The following KRAS variants were observed in gnomAD, a reference collection of about 807,000 sequenced individuals.
The protein encoded by KRAS is KRas proto-oncogene, GTPase, also known as GTPase KRas.
Under a neutral mutation model 21.0 loss-of-function variants are expected in KRAS, and 1 was observed. The observed-to-expected ratio is 0.05, with a 90% CI of 0.02 to 0.23. KRAS has a LOEUF of 0.23. Ranked by LOEUF, KRAS falls within the 10% of genes least tolerant of loss-of-function variation. The pLI, the probability that KRAS is intolerant of heterozygous loss-of-function variation, is 1.00. For missense variants in KRAS, 107 were observed against 221.8 expected, an observed-to-expected ratio of 0.48 and a Z score of 3.29; for synonymous variants, 67 against 72.5, an observed-to-expected ratio of 0.92 and a Z score of 0.39.
intron 4 of KRAS, among the ~76,000 whole-genome samples, chr12:25,222,174 AAAAT>A (rs139753860): frequency 2.8e-3 from 418 of 148,296 alleles, no homozygotes; most frequent in African/African-American, 3.2e-3. Context: ...GAAAGAAAGA[AAAAT>A]AAATAAATAA....
At chr12:25,222,121 C>G (rs1202988074) in intron 4 of KRAS, among the ~76,000 whole-genome samples, 1 of 149,692 alleles carries the variant, frequency 6.7e-6, no homozygotes, top group Non-Finnish European at 1.5e-5. Context: ...TGTACTCCAG[C>G]CTGGGCGACA....
At chr12:25,249,732 A>G (rs61759622) in intron 1 of KRAS, among the ~76,000 whole-genome samples, 1,862 of 152,232 alleles carry the variant, frequency 0.012, 37 homozygotes, top group African/African-American at 0.043. Flanking sequence ...GAGATGTAGA[A>G]CACATCTGCA....
chr12:25,222,161 C>G (rs1248207050), intron 4 of KRAS, among the ~76,000 whole-genome samples: 1 of 133,722 alleles, frequency 7.5e-6, no homozygotes. Context: ...AAAAAAAAAA[C>G]AAGAAAGAAA....
chr12:25,245,259 TAA>T lies in KRAS; in HGVS notation c.111+13_111+14del. ...GGTCCTGCACCAGTAATATGCATAT[TAA>T]AACAAGATTTACCTCTATTGTTGGA... On this transcript the variant is annotated intron_variant, in intron 2 of 4. Coordinates refer to ENST00000311936, the MANE Select transcript of KRAS (RefSeq NM_004985.5). The T allele has an allele frequency of 6.3e-7, 1 of 1,594,628 alleles. No homozygotes were observed. The highest frequency in any genetic ancestry group is 8.6e-7 in the Non-Finnish European group (1 of 1,168,032).
intron 4 of KRAS, among the ~76,000 whole-genome samples, chr12:25,216,251 G>T (rs1320066165): frequency 6.6e-6 from 1 of 152,126 alleles, no homozygotes; most frequent in Non-Finnish European, 1.5e-5. Flanking sequence ...CAAAATAGGA[G>T]CATTTTGTAT....
chr12:25,244,659 A>C (rs61761074), intron 2 of KRAS, among the ~76,000 whole-genome samples: 4,059 of 152,254 alleles, frequency 0.027, 110 homozygotes, highest in Non-Finnish European at 0.038. Context: ...ACATGATAAC[A>C]ATTTAAATTT....
At chr12:25,216,316 G>A (rs1951255380) in intron 4 of KRAS, among the ~76,000 whole-genome samples, 1 of 152,128 alleles carries the variant, frequency 6.6e-6, no homozygotes, top group Non-Finnish European at 1.5e-5. Context: ...GTCTCACTGG[G>A]TTGCCCAGGA....
In KRAS at chr12:25,208,962, C is replaced by A; in HGVS notation, c.*833G>T. ...TGACACAGGGAGACTACATTTAATT[C>A]CTATGAGAATTTTTTATACTTGTTA... On this transcript the variant is annotated 3_prime_UTR_variant, in exon 5 of 5. Transcript: ENST00000311936. 1 of 316,404 alleles carries A rather than the reference C, an allele frequency of 3.2e-6. No homozygotes were observed. 19.6% of individuals were successfully genotyped at this position (316,404 alleles called of 1,614,324 possible).
At chr12:25,231,305 T>G (rs1355366487) in intron 2 of KRAS, among the ~76,000 whole-genome samples, 1 of 152,014 alleles carries the variant, frequency 6.6e-6, no homozygotes, top group Non-Finnish European at 1.5e-5. Context: ...CAGGCTGGTC[T>G]TCAACTCCTG....
In KRAS at chr12:25,245,350, C is replaced by G. The variant is rs121913529; in HGVS notation, c.35G>C (p.Gly12Ala). 2 of 1,612,866 alleles carry G rather than the reference C, an allele frequency of 1.2e-6. No individual in the cohort carries two copies. Among genetic ancestry groups the G allele is most frequent in the Non-Finnish European group, 1.7e-6 (2 of 1,179,302 alleles). Reference protein sequence around the residue: ...TEYKLVVVGAGGVGKSALTIQ... With the variant: ...TEYKLVVVGAAGVGKSALTIQ... The stretch of plus-strand genomic sequence containing the variant: ...CGTCAAGGCACTCTTGCCTACGCCA[C>G]CAGCTCCAACTACCACAAGTTTATA... The change falls in exon 2 of 5, where the codon GGT becomes GCT. Residue 12 changes from glycine (G) to alanine (A), a missense_variant. Around this residue, in one of 2 missense-constraint regions of KRAS, gnomAD observed 42 missense variants for 139.4 expected, o/e 0.30. Transcript: ENST00000311936.
At chr12:25,215,076 T>C (rs967121533) in intron 4 of KRAS, 1 of 284,886 alleles carries the variant, frequency 3.5e-6, no homozygotes, top group Non-Finnish European at 5.0e-6. Context: ...ATAGCTCATA[T>C]CTTTTTCTCC....
At position 25,205,435 on chromosome 12, in the gene KRAS, T is replaced by C. The variant is rs894322455; in HGVS notation, c.*4360A>G. On this transcript the variant is annotated 3_prime_UTR_variant, in exon 5 of 5. Coordinates refer to ENST00000311936, the MANE Select transcript of KRAS (RefSeq NM_004985.5). ...TTCCTAGGTCAGCGCAACCAAATGA[T>C]GGAAAACAACTGGATCACACTGCAT... is the stretch of plus-strand genomic sequence containing the variant. The C allele has an allele frequency of 2.6e-4, 56 of 214,920 alleles. No individual in the cohort carries two copies. The highest frequency in any genetic ancestry group is 1.2e-3 in the African/African-American group (55 of 44,446). The allele number at this position is 214,920 out of a possible 1,614,324, so 13.3% of individuals were successfully genotyped here.
At chr12:25,248,231 C>T (rs1190539839) in intron 1 of KRAS, among the ~76,000 whole-genome samples, 1 of 151,860 alleles carries the variant, frequency 6.6e-6, no homozygotes, top group East Asian at 2.0e-4. Flanking sequence ...GAGGCTTAGG[C>T]GGGCGGATCA....
intron 2 of KRAS, among the ~76,000 whole-genome samples, chr12:25,242,657 T>C (rs1253367876): frequency 6.6e-6 from 1 of 152,224 alleles, no homozygotes; most frequent in East Asian, 1.9e-4. Flanking sequence ...ATCATACCTC[T>C]GCCACTAAGT....
At chr12:25,239,698 G>A (rs1029164912) in intron 2 of KRAS, among the ~76,000 whole-genome samples, 2 of 152,076 alleles carry the variant, frequency 1.3e-5, no homozygotes, top group Non-Finnish European at 1.5e-5. Flanking sequence ...CCTTGAAAAC[G>A]GTCTAGAAGC....
intron 1 of KRAS, among the ~76,000 whole-genome samples, chr12:25,245,858 T>C (rs1565892002): frequency 6.6e-6 from 1 of 152,180 alleles, no homozygotes; most frequent in Non-Finnish European, 1.5e-5. Flanking sequence ...CTCTAAGTGT[T>C]AGAAGTCAAT....
Position 25,209,865 on chromosome 12 carries a change from T to C in KRAS, c.497A>G (p.His166Arg). Reference sequence around the variant, plus strand: ...ACCATCTTTGCTCATCTTTTCTTTATGTTTTCGAATTTCTCGAACTAATGT... The same window carrying C: ...ACCATCTTTGCTCATCTTTTCTTTACGTTTTCGAATTTCTCGAACTAATGT... Reference protein sequence around the residue: ...FYTLVREIRKHKEKMSKDGKK... With the variant: ...FYTLVREIRKRKEKMSKDGKK... The change falls in exon 5 of 5, where the codon CAT becomes CGT. Residue 166 changes from histidine (H) to arginine (R), a missense_variant. Physicochemically the swap from His to Arg is conservative, Grantham distance 29. Coordinates refer to ENST00000311936, the MANE Select transcript of KRAS (RefSeq NM_004985.5). The C allele has an allele frequency of 6.2e-7, 1 of 1,611,816 alleles. No homozygotes were observed. The highest frequency in any genetic ancestry group is 8.5e-7 in the Non-Finnish European group (1 of 1,178,378).
intron 2 of KRAS, among the ~76,000 whole-genome samples, chr12:25,241,855 T>C (rs534036550): frequency 6.6e-6 from 1 of 152,254 alleles, no homozygotes; most frequent in Non-Finnish European, 1.5e-5. Context: ...CACCCAACCA[T>C]CCCTCATTGA....
At chr12:25,244,081 A>G (rs1168720781) in intron 2 of KRAS, among the ~76,000 whole-genome samples, 1 of 152,196 alleles carries the variant, frequency 6.6e-6, no homozygotes, top group Non-Finnish European at 1.5e-5. Context: ...TCTAAACTGC[A>G]TAAATATCTT....
Sources: gnomAD v4.1 joint callset for allele counts (sites outside exome capture counted in the v4.1 genomes callset) on GRCh38, gnomAD v4.1.1 for gene constraint, gnomAD v4.1.1 regional missense constraint, MANE v1.5 for transcripts, NCBI Gene and HGNC (gene_info 2026-07-23, HGNC 2026-07-21) for gene names.